Variants in PRSS23 observed in about 807,000 individuals in gnomAD.
PRSS23 encodes serine protease 23, also known as protease, serine 23.
PRSS23 carries 25 observed loss-of-function variants against 34.7 expected under a neutral mutation model. That is an observed-to-expected ratio of 0.72 (90% CI 0.53 to 1.01). The LOEUF is 1.01. Among genes scored for constraint, PRSS23 ranks in the 50% least tolerant of loss-of-function variants. PRSS23 has a pLI of 0.00. For missense variants in PRSS23, 445 were observed against 475.6 expected, an observed-to-expected ratio of 0.94 and a Z score of 0.60; for synonymous variants, 176 against 186.6, an observed-to-expected ratio of 0.94 and a Z score of 0.46.
chr11:86,923,128 CTT>C (rs34997377), intron 2 of PRSS23, among the ~76,000 whole-genome samples: 287 of 127,672 alleles, frequency 2.2e-3, no homozygotes, highest in East Asian at 0.011. Flanking sequence ...TTCCTGTCTA[CTT>C]TTTTTTTTTT....
At chr11:86,905,271 A>G (rs1015415994) in intron 2 of PRSS23, among the ~76,000 whole-genome samples, 2 of 152,184 alleles carry the variant, frequency 1.3e-5, no homozygotes, top group Non-Finnish European at 2.9e-5. Context: ...TGAAGTAACA[A>G]TGCTGGAAAA....
chr11:86,819,618 G>A (rs1034613977), intron 1 of PRSS23, among the ~76,000 whole-genome samples: 6 of 152,254 alleles, frequency 3.9e-5, no homozygotes, highest in African/African-American at 1.4e-4. Context: ...ACTGTTCAAA[G>A]CCAAAAAGAC....
chr11:86,893,712 A>G (rs974701399), intron 2 of PRSS23, among the ~76,000 whole-genome samples: 1 of 152,226 alleles, frequency 6.6e-6, no homozygotes, highest in Non-Finnish European at 1.5e-5. Flanking sequence ...GGCTTAAATA[A>G]AAGTATATTC....
At chr11:86,952,094 A>C (rs747931382) in exon 3 of PRSS23, 13 of 1,614,106 alleles carry the variant, frequency 8.1e-6, no homozygotes, top group South Asian at 7.7e-5. Flanking sequence ...AGCCATCCAG[A>C]TATCAGTGAA....
At position 86,852,764 on chromosome 11, in the gene PRSS23, AC is replaced by A. The variant is rs777806552; in HGVS notation, c.206+29175del. On this transcript the variant is annotated intron_variant, in intron 2 of 2. Transcript: ENST00000533902. Reference sequence around the variant, plus strand: ...AACTCTCCATTCCTCTCTCTCGCCCACCCCTGGGGGCCACCATTCTATTTTG... The same window carrying A: ...AACTCTCCATTCCTCTCTCTCGCCCACCCTGGGGGCCACCATTCTATTTTG... 5.9e-5 allele frequency among the ~76,000 whole-genome samples: 9 copies of A among 151,982 alleles called. No individual in the cohort carries two copies. In the East Asian group the frequency reaches 1.7e-3, roughly 29 times the overall value.
At chr11:86,952,601 G>C (rs531400084) in exon 3 of PRSS23, 2 of 947,246 alleles carry the variant, frequency 2.1e-6, no homozygotes, top group Non-Finnish European at 3.3e-6. Flanking sequence ...CCTATCGGGA[G>C]TCTGTCTGTT....
chr11:86,921,770 T>C (rs1304878500), intron 2 of PRSS23: 1 of 152,210 alleles, frequency 6.6e-6, no homozygotes, highest in African/African-American at 2.4e-5. Context: ...CAGCAGGCCC[T>C]GTTACAGCTT....
chr11:86,922,737 A>G, intron 2 of PRSS23, among the ~76,000 whole-genome samples: 1 of 152,188 alleles, frequency 6.6e-6, no homozygotes, highest in South Asian at 2.1e-4. Flanking sequence ...ACAGGAAGGG[A>G]CACCCAGCAT....
chr11:86,871,020 G>A (rs1315332531), intron 2 of PRSS23, among the ~76,000 whole-genome samples: 1 of 151,998 alleles, frequency 6.6e-6, no homozygotes, highest in African/African-American at 2.4e-5. Flanking sequence ...TCCTGATTAT[G>A]AATTACATTT....
At chr11:86,848,628 T>A (rs1948505819) in intron 2 of PRSS23, among the ~76,000 whole-genome samples, 1 of 152,128 alleles carries the variant, frequency 6.6e-6, no homozygotes, top group African/African-American at 2.4e-5. Context: ...AAGGCCAACT[T>A]ATTCTAAAGG....
chr11:86,945,234 A>G (rs932000227), intron 2 of PRSS23, among the ~76,000 whole-genome samples: 2 of 152,100 alleles, frequency 1.3e-5, no homozygotes, highest in Non-Finnish European at 2.9e-5. Context: ...GAAGAAAAAA[A>G]AAGCCCCCTT....
At chr11:86,866,420 G>A (rs189891811) in intron 2 of PRSS23, among the ~76,000 whole-genome samples, 18 of 152,238 alleles carry the variant, frequency 1.2e-4, no homozygotes, top group African/African-American at 2.4e-4. Context: ...GAGAGATTAC[G>A]CTCTTATAAT....
In PRSS23 at chr11:86,837,247, C is replaced by G. The variant is rs967156393; in HGVS notation, c.206+13654C>G. 4 of 152,168 alleles carry G rather than the reference C, an allele frequency of 2.6e-5. No individual in the cohort carries two copies. In the East Asian group the frequency reaches 7.7e-4, roughly 29 times the overall value. 9.4% of individuals were successfully genotyped at this position (152,168 alleles called of 1,614,324 possible). ...TTATTCTAATAGATTGCCACAAGTTCCCTTGATTTAGAACATTTATAAACA... is the reference window on the plus strand; with the variant it reads ...TTATTCTAATAGATTGCCACAAGTTGCCTTGATTTAGAACATTTATAAACA... On this transcript the variant is annotated intron_variant, in intron 2 of 2. Transcript: ENST00000533902.
chr11:86,905,413 T>A (rs1329623833), intron 2 of PRSS23, among the ~76,000 whole-genome samples: 1 of 152,228 alleles, frequency 6.6e-6, no homozygotes, highest in Non-Finnish European at 1.5e-5. Flanking sequence ...ACATCATTGA[T>A]ACTCTTGCTC....
At chr11:86,899,690 T>C (rs1668985552) in intron 2 of PRSS23, among the ~76,000 whole-genome samples, 1 of 152,000 alleles carries the variant, frequency 6.6e-6, no homozygotes, top group Non-Finnish European at 1.5e-5. Flanking sequence ...AATTTTTTTC[T>C]ATTTTTCAGT....
intron 2 of PRSS23, among the ~76,000 whole-genome samples, chr11:86,942,689 T>C (rs948529054): frequency 6.6e-6 from 1 of 152,186 alleles, no homozygotes; most frequent in African/African-American, 2.4e-5. Flanking sequence ...TAAATAAATC[T>C]ATGGGCCCTC....
chr11:86,950,329 A>C (rs1296144888), intron 2 of PRSS23: 2 of 152,726 alleles, frequency 1.3e-5, no homozygotes, highest in African/African-American at 4.8e-5. Context: ...CAGAAAGTGA[A>C]TCACCCTTCC....
At chr11:86,820,397 A>G (rs1355682882) in intron 1 of PRSS23, among the ~76,000 whole-genome samples, 1 of 152,240 alleles carries the variant, frequency 6.6e-6, no homozygotes, top group African/African-American at 2.4e-5. Flanking sequence ...CTTCTCAGCT[A>G]AAGTAGTTTG....
intron 2 of PRSS23, among the ~76,000 whole-genome samples, chr11:86,823,863 G>A (rs1029804191): frequency 1.3e-5 from 2 of 151,184 alleles, no homozygotes; most frequent in East Asian, 2.0e-4. Flanking sequence ...AAAATTAGCC[G>A]GGCGTGGTAG....
Sources: allele counts gnomAD v4.1 joint callset (sites outside exome capture counted in the v4.1 genomes callset), GRCh38; gene constraint gnomAD v4.1.1; transcripts MANE v1.5; gene names NCBI Gene and HGNC (gene_info 2026-07-23, HGNC 2026-07-21).